The following EPC2 variants were observed in gnomAD, a reference collection of about 807,000 sequenced individuals.
EPC2 encodes the protein enhancer of polycomb 2.
In EPC2, 14 loss-of-function variants were observed where a neutral mutation model predicts 92.1. The ratio of observed to expected loss-of-function variants is 0.15; its 90% confidence interval spans 0.10 to 0.24. EPC2 has a LOEUF of 0.24. Ranked by LOEUF, EPC2 falls within the 10% of genes least tolerant of loss-of-function variation. EPC2 has a pLI of 1.00. For missense variants in EPC2, 755 were observed against 971.5 expected (o/e 0.78, Z 2.96); for synonymous variants, 340 against 334.7 (o/e 1.02, Z -0.17).
chr2:148,752,096 G>A (rs1393686593), intron 3 of EPC2, among the ~76,000 whole-genome samples: 4 of 152,130 alleles, frequency 2.6e-5, no homozygotes, highest in African/African-American at 9.7e-5. Context: ...AGCATAAGAA[G>A]CAATGTTAAA....
intron 2 of EPC2, among the ~76,000 whole-genome samples, chr2:148,697,015 T>C (rs72862690): frequency 0.02 from 3,008 of 152,378 alleles, 59 homozygotes; most frequent in Non-Finnish European, 0.028. Flanking sequence ...CATCCTGTTA[T>C]GGTTTGCATA....
intron 2 of EPC2, among the ~76,000 whole-genome samples, chr2:148,715,371 G>A (rs1682237188): frequency 1.3e-5 from 2 of 152,304 alleles, no homozygotes; most frequent in African/African-American, 4.8e-5. Flanking sequence ...TTCCATTTAA[G>A]TCTTTAATCA....
chr2:148,727,635 T>C (rs1190941665), intron 2 of EPC2, among the ~76,000 whole-genome samples: 1 of 152,246 alleles, frequency 6.6e-6, no homozygotes, highest in African/African-American at 2.4e-5. Context: ...AGGTATTGCC[T>C]GAACACAGAT....
chr2:148,769,005 C>G, intron 7 of EPC2, 146 bp from the exon 8 acceptor site: 1 of 598,722 alleles, frequency 1.7e-6, no homozygotes. Flanking sequence ...TTTTGCTAGT[C>G]ATTGAATGTT....
intron 1 of EPC2, among the ~76,000 whole-genome samples, chr2:148,651,731 T>C (rs1471968455): frequency 2.0e-5 from 3 of 152,194 alleles, no homozygotes; most frequent in Non-Finnish European, 4.4e-5. Context: ...CTATCTCAGC[T>C]AACATTTGAG....
At chr2:148,771,612 C>T (rs989688048) in intron 10 of EPC2, among the ~76,000 whole-genome samples, 1 of 151,822 alleles carries the variant, frequency 6.6e-6, no homozygotes, top group East Asian at 1.9e-4. Flanking sequence ...AGAATGCATA[C>T]AGAGTTCCCT....
intron 2 of EPC2, among the ~76,000 whole-genome samples, chr2:148,725,911 T>C (rs934988006): frequency 1.3e-5 from 2 of 152,188 alleles, no homozygotes; most frequent in Non-Finnish European, 2.9e-5. Flanking sequence ...AACAGGTCTC[T>C]AAAACTTTTA....
intron 7 of EPC2, among the ~76,000 whole-genome samples, chr2:148,767,680 T>C (rs1371252357): frequency 6.6e-6 from 1 of 152,198 alleles, no homozygotes; most frequent in African/African-American, 2.4e-5. Context: ...ACCAGACTTA[T>C]GCCACTGAAT....
intron 1 of EPC2, among the ~76,000 whole-genome samples, chr2:148,687,816 C>T (rs979573075): frequency 2.0e-5 from 3 of 152,152 alleles, no homozygotes; most frequent in Non-Finnish European, 4.4e-5. Flanking sequence ...GTCTCTGTCT[C>T]TCTGCTTTCT....
At chr2:148,697,281 AG>A (rs1681766412) in intron 2 of EPC2, among the ~76,000 whole-genome samples, 3 of 152,020 alleles carry the variant, frequency 2.0e-5, no homozygotes, top group Non-Finnish European at 4.4e-5. Flanking sequence ...TACCATTCAA[AG>A]GGGGTTGGTA....
intron 1 of EPC2, among the ~76,000 whole-genome samples, chr2:148,652,921 C>G (rs929965672): frequency 2.0e-5 from 3 of 152,106 alleles, no homozygotes; most frequent in Non-Finnish European, 4.4e-5. Context: ...TGTAAGTATT[C>G]TGAAGTTCAG....
At chr2:148,718,027 G>A (rs1682293085) in intron 2 of EPC2, among the ~76,000 whole-genome samples, 1 of 152,088 alleles carries the variant, frequency 6.6e-6, no homozygotes, top group Non-Finnish European at 1.5e-5. Flanking sequence ...ATCTTTGTTG[G>A]TTTAAAGCCT....
Position 148,771,047 on chromosome 2 carries a change from C to G in EPC2, c.1380C>G (p.Val460=), listed in dbSNP as rs1683505799. The change falls in exon 10 of 14, where the codon GTC becomes GTG. Residue 460 remains valine, a synonymous_variant. Coordinates refer to ENST00000258484, the MANE Select transcript of EPC2 (RefSeq NM_015630.4). Reference sequence around the variant, plus strand: ...TTGGTTTTATTTTGCTTTTCAGGGTCATAATGGACCGAATATCCACAGAAC... The same window carrying G: ...TTGGTTTTATTTTGCTTTTCAGGGTGATAATGGACCGAATATCCACAGAAC... ...ARRRIGRGGR[V]IMDRISTEHD... 8 of 1,602,138 alleles carry G rather than the reference C, an allele frequency of 5.0e-6. No homozygotes were observed. Among genetic ancestry groups the G allele is most frequent in the Non-Finnish European group, 6.0e-6 (7 of 1,174,842 alleles).
At chr2:148,719,871 C>T (rs997058167) in intron 2 of EPC2, among the ~76,000 whole-genome samples, 2 of 152,260 alleles carry the variant, frequency 1.3e-5, no homozygotes, top group Non-Finnish European at 2.9e-5. Context: ...ACCTGCCCCA[C>T]TCTTCAGGCA....
intron 3 of EPC2, among the ~76,000 whole-genome samples, chr2:148,752,838 A>G (rs183234294): frequency 6.6e-5 from 10 of 152,312 alleles, no homozygotes; most frequent in East Asian, 3.9e-4. Flanking sequence ...GAGTTCTTCA[A>G]TAGACTTCAT....
chr2:148,697,092 A>AT (rs1479046213), intron 2 of EPC2, among the ~76,000 whole-genome samples: 1 of 152,212 alleles, frequency 6.6e-6, no homozygotes, highest in Admixed American at 6.5e-5. Context: ...TATTTCTCCC[A>AT]TTTTAAACCT....
At chr2:148,761,393 A>G (rs1286165567) in intron 4 of EPC2, among the ~76,000 whole-genome samples, 1 of 152,198 alleles carries the variant, frequency 6.6e-6, no homozygotes, top group Non-Finnish European at 1.5e-5. Flanking sequence ...GAGGGGACTC[A>G]TTTTGACTGT....
intron 3 of EPC2, among the ~76,000 whole-genome samples, chr2:148,748,113 A>G (rs1420791057): frequency 6.6e-6 from 1 of 152,094 alleles, no homozygotes; most frequent in Non-Finnish European, 1.5e-5. Context: ...TTGTTTTACA[A>G]GATCGATTCA....
At chr2:148,778,475 T>C (rs906698076) in intron 10 of EPC2, among the ~76,000 whole-genome samples, 2 of 152,190 alleles carry the variant, frequency 1.3e-5, no homozygotes, top group Admixed American at 6.5e-5. Context: ...CAGTAACTTA[T>C]GAAAGAAAAA....
Sources: allele counts gnomAD v4.1 joint callset (sites outside exome capture counted in the v4.1 genomes callset), GRCh38; gene constraint gnomAD v4.1.1; transcripts MANE v1.5; gene names NCBI Gene and HGNC (gene_info 2026-07-23, HGNC 2026-07-21).